USH2A: variants seen among roughly 807,000 people sequenced by gnomAD.
The protein encoded by USH2A is usherin.
In USH2A, 443 loss-of-function variants were observed where a neutral mutation model predicts 538.9. The ratio of observed to expected loss-of-function variants is 0.82; its 90% confidence interval spans 0.76 to 0.89. The LOEUF is 0.89. Ranked by LOEUF, USH2A falls within the 40% of genes least tolerant of loss-of-function variation. The pLI, the probability that USH2A is intolerant of heterozygous loss-of-function variation, is 0.00. For synonymous variants in USH2A, 2,413 were observed against 2,273.5 expected (o/e 1.06, Z -1.75); for missense variants, 6,633 against 6,324.8 (o/e 1.05, Z -1.65).
In USH2A at chr1:215,669,492, A is replaced by G. The variant is rs1409780714; in HGVS notation, c.14133+1480T>C. On this transcript the variant is annotated intron_variant, in intron 64 of 71. Coordinates refer to ENST00000307340, the MANE Select transcript of USH2A (RefSeq NM_206933.4). ...TTTTGAAATAGGATAAAATGTATATACTGTATATTTTGTAATATCCATACC... is the reference window on the plus strand; with the variant it reads ...TTTTGAAATAGGATAAAATGTATATGCTGTATATTTTGTAATATCCATACC... Among the ~76,000 whole-genome samples the G allele has an allele frequency of 3.3e-5, 5 of 152,216 alleles. No homozygotes were observed. In the East Asian group the frequency reaches 9.6e-4, roughly 29 times the overall value.
intron 21 of USH2A, among the ~76,000 whole-genome samples, chr1:216,163,278 T>G (rs2102630330): frequency 6.6e-6 from 1 of 152,150 alleles, no homozygotes; most frequent in East Asian, 1.9e-4. Context: ...ATTCCTATTC[T>G]AATATATTCC....
intron 11 of USH2A, 66 bp from the exon 12 acceptor site, chr1:216,251,164 G>T (rs914988608): frequency 6.5e-7 from 1 of 1,528,130 alleles, no homozygotes; most frequent in Non-Finnish European, 9.0e-7. Flanking sequence ...TGCTCATTAG[G>T]TACAAGACAG....
intron 37 of USH2A, among the ~76,000 whole-genome samples, chr1:215,964,590 C>T (rs1389329919): frequency 6.6e-6 from 1 of 152,132 alleles, no homozygotes; most frequent in Non-Finnish European, 1.5e-5. Context: ...ATTTGCTACT[C>T]ATTTAAAAAT....
intron 60 of USH2A, among the ~76,000 whole-genome samples, chr1:215,738,043 A>T (rs193106692): frequency 1.3e-5 from 2 of 152,214 alleles, no homozygotes; most frequent in Admixed American, 6.5e-5. Flanking sequence ...TCATGAGAAT[A>T]ATAAACCCCA....
chr1:216,127,313 G>C (rs575241524), intron 21 of USH2A, among the ~76,000 whole-genome samples: 198 of 152,258 alleles, frequency 1.3e-3, no homozygotes, highest in African/African-American at 4.5e-3. Context: ...CAGAGGAATG[G>C]TGTTTCCTTT....
chr1:215,897,755 G>A (rs777538271), intron 40 of USH2A, among the ~76,000 whole-genome samples: 1 of 151,542 alleles, frequency 6.6e-6, no homozygotes, highest in South Asian at 2.1e-4. Context: ...GAGAAAGAGA[G>A]TGAGAAAGAA....
intron 26 of USH2A, chr1:216,080,161 A>G (rs939851276): frequency 5.9e-5 from 9 of 152,140 alleles, no homozygotes; most frequent in African/African-American, 1.9e-4. Context: ...AAAAGGAGAA[A>G]ATACATGACA....
At chr1:215,710,772 G>GT (rs1250897595) in intron 61 of USH2A, among the ~76,000 whole-genome samples, 6 of 152,056 alleles carry the variant, frequency 3.9e-5, no homozygotes, top group African/African-American at 1.4e-4. Flanking sequence ...GCTGCCAGAT[G>GT]TAGACCCTTA....
At chr1:216,173,931 CT>C (rs997212858) in intron 21 of USH2A, 61 of 967,898 alleles carry the variant, frequency 6.3e-5, no homozygotes, top group Middle Eastern at 5.3e-4. Context: ...TTTTCCTTAC[CT>C]TTTTTTTCTT....
chr1:216,129,615 T>C (rs562400963), intron 21 of USH2A, among the ~76,000 whole-genome samples: 3 of 152,128 alleles, frequency 2.0e-5, no homozygotes, highest in Admixed American at 2.0e-4. Flanking sequence ...CAGTAACTGC[T>C]AAAATGTCCA....
At chr1:215,663,130 C>T (rs1188798866) in intron 64 of USH2A, among the ~76,000 whole-genome samples, 1 of 152,138 alleles carries the variant, frequency 6.6e-6, no homozygotes, top group Non-Finnish European at 1.5e-5. Flanking sequence ...CAACTGTACT[C>T]CTGATTGAGA....
At chr1:216,051,229 T>C (rs1229976593) in intron 30 of USH2A, among the ~76,000 whole-genome samples, 2 of 152,190 alleles carry the variant, frequency 1.3e-5, no homozygotes, top group Admixed American at 6.5e-5. Flanking sequence ...CAAGCCCTGG[T>C]TCTGGGTTTC....
chr1:216,174,746 G>GA, intron 21 of USH2A: 6 of 995,370 alleles, frequency 6.0e-6, no homozygotes, highest in Non-Finnish European at 7.2e-6. Flanking sequence ...TTGTCACAGT[G>GA]AAAAAAAGAA....
At chr1:215,646,286 T>C (rs1300341906) in intron 67 of USH2A, among the ~76,000 whole-genome samples, 1 of 152,016 alleles carries the variant, frequency 6.6e-6, no homozygotes, top group Non-Finnish European at 1.5e-5. Flanking sequence ...TTCTTAAAGA[T>C]TTTTCAGCAA....
intron 40 of USH2A, among the ~76,000 whole-genome samples, chr1:215,898,592 A>C (rs1470510769): frequency 2.0e-5 from 3 of 152,184 alleles, no homozygotes; most frequent in Non-Finnish European, 2.9e-5. Context: ...TGCCAAAAAA[A>C]AAATGCTTTC....
chr1:216,232,352 A>G (rs1240166375), intron 13 of USH2A, among the ~76,000 whole-genome samples: 2 of 152,142 alleles, frequency 1.3e-5, no homozygotes, highest in Non-Finnish European at 2.9e-5. Flanking sequence ...AGGTCCTACA[A>G]TTCAATGTAT....
At chr1:216,304,592 G>A (rs1282455639) in intron 9 of USH2A, among the ~76,000 whole-genome samples, 6 of 151,706 alleles carry the variant, frequency 4.0e-5, no homozygotes, top group African/African-American at 1.5e-4. Context: ...AGTTCCTTGA[G>A]GTGTGACCTT....
chr1:215,742,307 G>A (rs1427341240), intron 59 of USH2A, among the ~76,000 whole-genome samples: 2 of 152,074 alleles, frequency 1.3e-5, no homozygotes, highest in African/African-American at 2.4e-5. Context: ...ACTACACATT[G>A]AGTCTGATAA....
At chr1:216,012,152 T>C (rs1469163835) in intron 32 of USH2A, among the ~76,000 whole-genome samples, 1 of 130,330 alleles carries the variant, frequency 7.7e-6, no homozygotes, top group Non-Finnish European at 1.7e-5. Flanking sequence ...GATTTATTGA[T>C]GGCAGTTCCA....
Sources: gnomAD v4.1 joint callset for allele counts (sites outside exome capture counted in the v4.1 genomes callset) on GRCh38, gnomAD v4.1.1 for gene constraint, MANE v1.5 for transcripts, NCBI Gene and HGNC (gene_info 2026-07-23, HGNC 2026-07-21) for gene names.